The following PCDH15 variants were observed in gnomAD, a reference collection of about 807,000 sequenced individuals.
PCDH15 encodes the protein protocadherin related 15.
PCDH15 carries 129 observed loss-of-function variants against 178.5 expected under a neutral mutation model. The ratio of observed to expected loss-of-function variants is 0.72; its 90% CI spans 0.63 to 0.84. The LOEUF (loss-of-function observed/expected upper bound fraction) is 0.84. Ranked by LOEUF, PCDH15 falls within the 40% of genes least tolerant of loss-of-function variation. The probability of loss-of-function intolerance (pLI) is 0.00; values close to 1 mark genes in which losing one functional copy is unlikely to be tolerated. For synonymous variants in PCDH15, 800 were observed against 732.0 expected, an observed-to-expected ratio of 1.09 and a Z score of -1.50; for missense variants, 2,230 against 2,099.9, an observed-to-expected ratio of 1.06 and a Z score of -1.21.
chr10:53,869,254 G>A (rs572616861), intron 26 of PCDH15, among the ~76,000 whole-genome samples: 2 of 152,144 alleles, frequency 1.3e-5, no homozygotes, highest in South Asian at 2.1e-4. Context: ...TCACTTAAAG[G>A]AAAAAGAAAA....
chr10:55,122,271 G>T (rs1159001409), intron 2 of PCDH15, among the ~76,000 whole-genome samples: 1 of 152,100 alleles, frequency 6.6e-6, no homozygotes, highest in African/African-American at 2.4e-5. Flanking sequence ...GGTTTAACTA[G>T]GTAAAAGACT....
intron 2 of PCDH15, among the ~76,000 whole-genome samples, chr10:54,983,783 C>T (rs1416383438): frequency 1.3e-5 from 2 of 152,176 alleles, no homozygotes; most frequent in East Asian, 3.9e-4. Flanking sequence ...GATCAAATTC[C>T]TTGGGGCTCT....
chr10:54,159,673 A>C (rs2133419403), intron 13 of PCDH15, among the ~76,000 whole-genome samples: 1 of 152,280 alleles, frequency 6.6e-6, no homozygotes, highest in Non-Finnish European at 1.5e-5. Context: ...GATACCATGT[A>C]ATCATTAATA....
At chr10:55,053,358 C>G (rs546594917) in intron 2 of PCDH15, among the ~76,000 whole-genome samples, 47 of 152,286 alleles carry the variant, frequency 3.1e-4, no homozygotes, top group South Asian at 1.9e-3. Context: ...CCAGCACCGA[C>G]AGAAGCAGAG....
intron 2 of PCDH15, among the ~76,000 whole-genome samples, chr10:55,335,057 TGG>T (rs1565022909): frequency 6.6e-6 from 1 of 152,240 alleles, no homozygotes; most frequent in Non-Finnish European, 1.5e-5. Context: ...CAATCTGCTA[TGG>T]GGTCTCAAAC....
rs747880795 is a variant in PCDH15, at chr10:54,536,997, CTT to C, written c.92-9122_92-9121del. Among the ~76,000 whole-genome samples the C allele has an allele frequency of 5.2e-4, 48 of 92,090 alleles. 1 individual carries two copies. Among genetic ancestry groups the C allele is most frequent in the East Asian group, 3.1e-3 (9 of 2,886 alleles). 60.4% of individuals were successfully genotyped at this position (92,090 alleles called of 152,430 possible). On this transcript the variant is annotated intron_variant, in intron 2 of 37. Transcript: ENST00000644397. The stretch of plus-strand genomic sequence containing the variant: ...ACTATTTGGTGGAACAATTTGTTTC[CTT>C]TTTTTTTTTTTTTTTTTTTGAGACG...
At chr10:55,241,975 G>T (rs1271399685) in intron 1 of PCDH15, among the ~76,000 whole-genome samples, 1 of 152,128 alleles carries the variant, frequency 6.6e-6, no homozygotes, top group Non-Finnish European at 1.5e-5. Context: ...AAGTGATAAA[G>T]ATTATGTGGT....
At chr10:55,254,909 T>C (rs576072891) in intron 1 of PCDH15, among the ~76,000 whole-genome samples, 81 of 152,044 alleles carry the variant, frequency 5.3e-4, no homozygotes, top group Non-Finnish European at 9.1e-4. Context: ...TCTCATGTCA[T>C]AGGAATTGTT....
chr10:54,930,561 T>A (rs934621699), intron 2 of PCDH15, among the ~76,000 whole-genome samples: 15 of 152,218 alleles, frequency 9.9e-5, no homozygotes, highest in African/African-American at 3.6e-4. Flanking sequence ...GAATTTTTGA[T>A]TTCAACACTT....
At chr10:55,163,882 T>A (rs1839124894) in intron 2 of PCDH15, among the ~76,000 whole-genome samples, 1 of 152,156 alleles carries the variant, frequency 6.6e-6, no homozygotes, top group African/African-American at 2.4e-5. Context: ...GTTTAGCGCA[T>A]GATCAAGAAA....
intron 2 of PCDH15, among the ~76,000 whole-genome samples, chr10:55,509,848 A>C (rs146185171): frequency 6.6e-6 from 1 of 151,978 alleles, no homozygotes; most frequent in African/African-American, 2.4e-5. Context: ...ACTTTGAGTC[A>C]CAAATCATAG....
At chr10:55,430,513 T>C (rs1381743406) in intron 2 of PCDH15, among the ~76,000 whole-genome samples, 1 of 152,174 alleles carries the variant, frequency 6.6e-6, no homozygotes. Context: ...TGGAGATTAG[T>C]AAGTTCCTAA....
At chr10:54,128,920 C>A (rs1190959763) in intron 15 of PCDH15, among the ~76,000 whole-genome samples, 1 of 152,006 alleles carries the variant, frequency 6.6e-6, no homozygotes, top group African/African-American at 2.4e-5. Flanking sequence ...TTGGAAAATA[C>A]AGAACTAATG....
chr10:53,913,637 G>A (rs867500525), intron 25 of PCDH15, among the ~76,000 whole-genome samples: 6 of 151,660 alleles, frequency 4.0e-5, no homozygotes, highest in Non-Finnish European at 7.4e-5. Context: ...CCAGCTACTC[G>A]GGAGGCTGAG....
chr10:54,592,285 C>T (rs1372446050), intron 2 of PCDH15, among the ~76,000 whole-genome samples: 1 of 152,036 alleles, frequency 6.6e-6, no homozygotes, highest in Non-Finnish European at 1.5e-5. Flanking sequence ...TTTCCCTCCT[C>T]TCTGCTCCTG....
chr10:55,038,679 A>C (rs1294220968), intron 2 of PCDH15, among the ~76,000 whole-genome samples: 3 of 152,196 alleles, frequency 2.0e-5, no homozygotes, highest in African/African-American at 7.2e-5. Flanking sequence ...GGGACTCTAT[A>C]GTAGTAATGA....
intron 11 of PCDH15, among the ~76,000 whole-genome samples, chr10:54,194,196 T>C (rs1039615177): frequency 1.4e-5 from 2 of 143,990 alleles, no homozygotes; most frequent in African/African-American, 5.7e-5. Context: ...TTACAAAATT[T>C]ATTTAGAAAG....
intron 1 of PCDH15, among the ~76,000 whole-genome samples, chr10:54,695,607 G>A (rs2095211113): frequency 6.6e-6 from 1 of 152,212 alleles, no homozygotes; most frequent in Non-Finnish European, 1.5e-5. Flanking sequence ...CATAACTAGA[G>A]AGAAGTCAAT....
chr10:53,944,586 G>T (rs904645363), intron 23 of PCDH15, among the ~76,000 whole-genome samples: 9 of 152,082 alleles, frequency 5.9e-5, no homozygotes, highest in African/African-American at 2.2e-4. Flanking sequence ...ACAAATAATT[G>T]TGAGTGTCTG....
Sources: allele counts gnomAD v4.1 joint callset (sites outside exome capture counted in the v4.1 genomes callset), GRCh38; gene constraint gnomAD v4.1.1; transcripts MANE v1.5; gene names NCBI Gene and HGNC (gene_info 2026-07-23, HGNC 2026-07-21).